ABCA4: variants seen among roughly 807,000 people sequenced by gnomAD.
The protein encoded by ABCA4 is retinal-specific phospholipid-transporting ATPase ABCA4.
A neutral mutation model predicts 263.7 loss-of-function variants in ABCA4; 196 were observed. That is an observed-to-expected ratio of 0.74 (90% CI 0.66 to 0.84). The LOEUF (loss-of-function observed/expected upper bound fraction) is 0.84, where lower values mean the gene tolerates loss of function less well. Ranked by LOEUF, ABCA4 falls within the 40% of genes least tolerant of loss-of-function variation. The pLI, the probability that ABCA4 is intolerant of heterozygous loss-of-function variation, is 0.00. For missense variants in ABCA4, 2,792 were observed against 2,855.1 expected (o/e 0.98, Z 0.50); for synonymous variants, 1,133 against 1,094.2 (o/e 1.04, Z -0.70).
chr1:94,014,834 T>C, intron 37 of ABCA4, 144 bp from the exon 38 acceptor site: 2 of 1,059,576 alleles, frequency 1.9e-6, no homozygotes, highest in South Asian at 1.3e-5. Context: ...AGATACTCCA[T>C]TTGTTGGTCT....
rs147867772 is a variant in ABCA4 at position 94,040,610 on chromosome 1, T to C, written c.3523-483A>G. 4.9e-3 allele frequency among the ~76,000 whole-genome samples: 738 copies of C among 152,110 alleles called. 1 individual carries two copies. The highest frequency in any genetic ancestry group is 8.1e-3 in the Non-Finnish European group (552 of 67,980). Reference sequence around the variant, plus strand: ...CACTTATCTTCACATCCCTAAGAAATAGAAGCAGAGGTCATTAGCTTCATG... The same window carrying C: ...CACTTATCTTCACATCCCTAAGAAACAGAAGCAGAGGTCATTAGCTTCATG... On this transcript the variant is annotated intron_variant, in intron 23 of 49. Coordinates refer to ENST00000370225, the MANE Select transcript of ABCA4 (RefSeq NM_000350.3).
intron 35 of ABCA4, among the ~76,000 whole-genome samples, chr1:94,020,980 C>A (rs1355612696): frequency 6.6e-6 from 1 of 152,228 alleles, no homozygotes; most frequent in African/African-American, 2.4e-5. Flanking sequence ...GCTCCAGGAG[C>A]AACTTGCTAT....
chr1:94,077,992 C>T, intron 10 of ABCA4, 105 bp from the exon 11 acceptor site: 3 of 1,110,688 alleles, frequency 2.7e-6, no homozygotes, highest in South Asian at 1.3e-5. Context: ...GATAGAGATG[C>T]TAAGGCTCCC....
rs62642576 is a variant in ABCA4 at position 94,011,319 on chromosome 1, G to A, written c.5527C>T (p.Arg1843Trp). Residue 1843 changes from arginine (R) to tryptophan (W), a missense_variant, in exon 39 of 50, where the codon CGG becomes TGG. Physicochemically the swap from Arg to Trp is moderately radical, Grantham distance 101 (BLOSUM62 -3). Transcript: ENST00000370225. ...CTCAGTGCAAGGTCAATGAGGCCCCGGCCCAGGCAGAAGTGGGGGAAGACA... is the reference window on the plus strand; with the variant it reads ...CTCAGTGCAAGGTCAATGAGGCCCCAGCCCAGGCAGAAGTGGGGGAAGACA... ...LIVFPHFCLG[R>W]GLIDLALSQA... The A allele has an allele frequency of 6.2e-6, 10 of 1,614,090 alleles. No individual in the cohort carries two copies. The highest frequency in any genetic ancestry group is 3.3e-5 in the Admixed American group (2 of 60,018).
At chr1:94,047,751 C>T (rs1254711480) in intron 18 of ABCA4, among the ~76,000 whole-genome samples, 1 of 152,146 alleles carries the variant, frequency 6.6e-6, no homozygotes, top group Non-Finnish European at 1.5e-5. Flanking sequence ...GTGGGTAGGG[C>T]AGTCCACGCT....
intron 22 of ABCA4, among the ~76,000 whole-genome samples, chr1:94,042,377 T>C (rs1053670020): frequency 3.3e-5 from 5 of 152,104 alleles, no homozygotes; most frequent in African/African-American, 1.2e-4. Flanking sequence ...GCCCAGCAGG[T>C]CACCCTCACA....
rs371116723 is a variant in ABCA4, at chr1:94,031,132, T to C, written c.4129-12A>G. ...GCCGGGAGCACGATCTGTGGGAGAA[T>C]AGACGTGGAATAAACATGACTGTGG... On this transcript the variant is annotated splice_polypyrimidine_tract_variant and intron_variant, in intron 27 of 49. Transcript: ENST00000370225. 6 of 1,613,756 alleles carry C rather than the reference T, an allele frequency of 3.7e-6. No individual in the cohort carries two copies. The African/African-American group carries it at 5.3e-5, about 14-fold the overall frequency.
At position 94,077,721 on chromosome 1, in the gene ABCA4, C is replaced by A. The variant is rs375961838; in HGVS notation, c.1523G>T (p.Arg508Leu). 12 of 1,613,550 alleles carry A rather than the reference C, an allele frequency of 7.4e-6. No homozygotes were observed. The East Asian group carries it at 2.7e-4, about 36-fold the overall frequency. ...GTATTGATTGACCAGGCGGAGGGTGCGATCAGTGATGTTAAATATGTCCCT... is the reference window on the plus strand; with the variant it reads ...GTATTGATTGACCAGGCGGAGGGTGAGATCAGTGATGTTAAATATGTCCCT... The part of the protein sequence containing the change: ...DWRDIFNITD[R>L]TLRLVNQYLE... Residue 508 changes from arginine to leucine, a missense_variant, in exon 11 of 50, where the codon CGC becomes CTC. Coordinates refer to ENST00000370225, the MANE Select transcript of ABCA4 (RefSeq NM_000350.3).
chr1:94,104,460 G>T (rs481931), intron 4 of ABCA4, among the ~76,000 whole-genome samples: 49,521 of 152,072 alleles, frequency 0.33, 9,023 homozygotes, highest in Admixed American at 0.43. Context: ...CAAGAGGCCT[G>T]CCCCTGTGTG....
intron 10 of ABCA4, 122 bp from the exon 11 acceptor site, chr1:94,078,009 G>T: frequency 1.1e-6 from 1 of 922,438 alleles, no homozygotes; most frequent in Non-Finnish European, 1.7e-6. Context: ...TCCCTGAAGA[G>T]CTGGTGAGCT....
chr1:94,002,063 T>C, intron 44 of ABCA4, 71 bp from the exon 45 acceptor site: 2 of 1,609,800 alleles, frequency 1.2e-6, no homozygotes, highest in Non-Finnish European at 1.7e-6. Flanking sequence ...GTTCAAAGCC[T>C]TGGGCTCCCA....
intron 43 of ABCA4, among the ~76,000 whole-genome samples, chr1:94,007,068 C>A (rs1220820442): frequency 6.6e-6 from 1 of 152,204 alleles, no homozygotes; most frequent in Non-Finnish European, 1.5e-5. Context: ...CTTGGTCTGG[C>A]AAAGCCAAAT....
At chr1:94,115,864 G>C (rs1286616567) in intron 1 of ABCA4, among the ~76,000 whole-genome samples, 1 of 152,114 alleles carries the variant, frequency 6.6e-6, no homozygotes, top group Non-Finnish European at 1.5e-5. Flanking sequence ...TTTGGATTCA[G>C]AACTCCCCAG....
In ABCA4 at chr1:94,109,968, T is replaced by G. The variant is rs544394931; in HGVS notation, c.303-1252A>C. 2.6e-5 allele frequency among the ~76,000 whole-genome samples: 4 copies of G among 152,178 alleles called. No homozygotes were observed. In the South Asian group the frequency reaches 6.2e-4, roughly 24 times the overall value. On this transcript the variant is annotated intron_variant, in intron 3 of 49. Transcript: ENST00000370225. ...CCTTCTCCAACTCCCACCCCTCAGT[T>G]TTCCGCAATAACATCTATAGACACT...
intron 5 of ABCA4, among the ~76,000 whole-genome samples, chr1:94,100,860 GACAGTTCTGGGA>G (rs1392143051): frequency 7.9e-5 from 12 of 152,224 alleles, no homozygotes; most frequent in African/African-American, 2.9e-4. Context: ...CATCGTGATG[GACAGTTCTGGGA>G]ACAGTGCTGA....
At chr1:93,995,661 G>C (rs934373955) in intron 49 of ABCA4, among the ~76,000 whole-genome samples, 3 of 152,176 alleles carry the variant, frequency 2.0e-5, no homozygotes, top group African/African-American at 7.2e-5. Flanking sequence ...AAATGTGTCT[G>C]ACACTGAAAT....
At chr1:94,116,315 A>G (rs1360199584) in intron 1 of ABCA4, among the ~76,000 whole-genome samples, 1 of 151,774 alleles carries the variant, frequency 6.6e-6, no homozygotes, top group African/African-American at 2.4e-5. Flanking sequence ...TGATTAGGTC[A>G]GCACTTCTCA....
At chr1:94,044,913 A>G (rs1660631747) in intron 19 of ABCA4, among the ~76,000 whole-genome samples, 169 bp from the exon 20 acceptor site, 1 of 152,204 alleles carries the variant, frequency 6.6e-6, no homozygotes, top group South Asian at 2.1e-4. Context: ...CAGTGTATAC[A>G]TCCAGGCCCT....
At position 94,079,186 on chromosome 1, in the gene ABCA4, A is replaced by G. The variant is rs561748483; in HGVS notation, c.1239+136T>C. 1.9e-4 allele frequency: 249 copies of G among 1,293,642 alleles called. No individual in the cohort carries two copies. The African/African-American group carries it at 3.3e-3, about 17-fold the overall frequency. The allele number at this position is 1,293,642 out of a possible 1,614,324, so 80.1% of individuals were successfully genotyped here. On this transcript the variant is annotated intron_variant, in intron 9 of 49. Transcript: ENST00000370225. ...AGTGATGACTGTGGATGGGGGAGGAAACGCAAGAGTCCACTTAGCAAAAAA... is the reference window on the plus strand; with the variant it reads ...AGTGATGACTGTGGATGGGGGAGGAGACGCAAGAGTCCACTTAGCAAAAAA...
Sources: allele counts gnomAD v4.1 joint callset (sites outside exome capture counted in the v4.1 genomes callset), GRCh38; gene constraint gnomAD v4.1.1; transcripts MANE v1.5; gene names NCBI Gene and HGNC (gene_info 2026-07-23, HGNC 2026-07-21).